The following SOX6 variants were observed in gnomAD, a reference collection of about 807,000 sequenced individuals.
The protein encoded by SOX6 is transcription factor SOX-6.
SOX6 carries 11 observed loss-of-function variants against 97.8 expected under a neutral mutation model. That is an observed-to-expected ratio of 0.11 (90% CI 0.07 to 0.19). The LOEUF (loss-of-function observed/expected upper bound fraction) is 0.19. SOX6 is among the 10% of genes least tolerant of loss of function. SOX6 has a pLI of 1.00. For synonymous variants in SOX6, 360 were observed against 371.4 expected (o/e 0.97, Z 0.35); for missense variants, 810 against 1,039.5 (o/e 0.78, Z 3.04).
At chr11:16,563,546 T>C (rs1847838135) in intron 4 of SOX6, among the ~76,000 whole-genome samples, 1 of 152,068 alleles carries the variant, frequency 6.6e-6, no homozygotes, top group African/African-American at 2.4e-5. Flanking sequence ...GACAGAACAA[T>C]AGAATATATC....
chr11:16,202,069 T>C (rs1230924539), intron 4 of SOX6, among the ~76,000 whole-genome samples: 1 of 152,192 alleles, frequency 6.6e-6, no homozygotes, highest in Non-Finnish European at 1.5e-5. Context: ...GAAAAACTTA[T>C]ACTTTCACTA....
intron 4 of SOX6, among the ~76,000 whole-genome samples, chr11:16,506,346 G>A (rs545725460): frequency 2.0e-5 from 3 of 152,110 alleles, no homozygotes; most frequent in African/African-American, 7.2e-5. Flanking sequence ...CTTGCATGGG[G>A]CCCTTTGTTT....
At chr11:16,568,288 A>C (rs895042073) in intron 4 of SOX6, among the ~76,000 whole-genome samples, 1 of 152,216 alleles carries the variant, frequency 6.6e-6, no homozygotes, top group South Asian at 2.1e-4. Context: ...GATGTGCTAT[A>C]AAATATTAAT....
At chr11:16,471,340 C>T (rs1050973344) in intron 1 of SOX6, among the ~76,000 whole-genome samples, 7 of 152,044 alleles carry the variant, frequency 4.6e-5, no homozygotes, top group African/African-American at 9.7e-5. Context: ...TTTCCTCTTC[C>T]GGCCTAGGTA....
intron 3 of SOX6, among the ~76,000 whole-genome samples, chr11:16,615,573 A>G (rs6486302): frequency 0.43 from 65,961 of 151,952 alleles, 15,260 homozygotes; most frequent in East Asian, 0.85. Context: ...TTTTACCATA[A>G]ACAGAATATT....
chr11:15,978,975 A>G (rs1198073062), intron 15 of SOX6, among the ~76,000 whole-genome samples: 2 of 123,804 alleles, frequency 1.6e-5, no homozygotes, highest in African/African-American at 2.8e-5. Flanking sequence ...TATATATATG[A>G]GCATATATAT....
At chr11:16,546,463 A>T (rs1191031014) in intron 4 of SOX6, among the ~76,000 whole-genome samples, 1 of 152,186 alleles carries the variant, frequency 6.6e-6, no homozygotes, top group African/African-American at 2.4e-5. Context: ...CCACATATTT[A>T]CATAAATCCA....
At chr11:16,044,168 G>T (rs1294263505) in intron 12 of SOX6, among the ~76,000 whole-genome samples, 2 of 152,032 alleles carry the variant, frequency 1.3e-5, no homozygotes, top group African/African-American at 4.8e-5. Context: ...CCTGCATGCT[G>T]ATCTTCATCT....
intron 1 of SOX6, among the ~76,000 whole-genome samples, chr11:16,351,012 A>G (rs574746036): frequency 3.0e-4 from 46 of 152,228 alleles, no homozygotes; most frequent in Middle Eastern, 6.8e-3. Flanking sequence ...TTATTTCTCT[A>G]TACTGTTTTT....
intron 1 of SOX6, chr11:16,402,882 T>C: frequency 6.6e-7 from 1 of 1,517,928 alleles, no homozygotes; most frequent in Non-Finnish European, 8.9e-7. Context: ...CTACACTCAG[T>C]TGGGCTGAAT....
chr11:16,690,122 G>T (rs73419101), intron 3 of SOX6, among the ~76,000 whole-genome samples: 330 of 152,156 alleles, frequency 2.2e-3, no homozygotes, highest in African/African-American at 7.1e-3. Context: ...GTGGAGTTTT[G>T]CCATGTTGGC....
chr11:16,055,024 T>A (rs146886019), intron 10 of SOX6, among the ~76,000 whole-genome samples: 1 of 152,254 alleles, frequency 6.6e-6, no homozygotes, highest in Non-Finnish European at 1.5e-5. Flanking sequence ...AGCCTGTTTA[T>A]CCTATCACAA....
intron 9 of SOX6, among the ~76,000 whole-genome samples, chr11:16,077,898 A>G (rs541801457): frequency 6.6e-6 from 1 of 151,930 alleles, no homozygotes; most frequent in East Asian, 1.9e-4. Flanking sequence ...TGTACAACAA[A>G]CCCTTGTGAC....
chr11:16,262,330 A>G (rs1352375774), intron 3 of SOX6, among the ~76,000 whole-genome samples: 1 of 152,090 alleles, frequency 6.6e-6, no homozygotes, highest in East Asian at 1.9e-4. Flanking sequence ...ATATAGGAAC[A>G]TATAGTAAAA....
chr11:16,460,341 T>C (rs1332785892), intron 1 of SOX6, among the ~76,000 whole-genome samples: 2 of 152,008 alleles, frequency 1.3e-5, no homozygotes, highest in Non-Finnish European at 2.9e-5. Context: ...CACAAACTGA[T>C]TATAAACTCC....
chr11:16,265,551 T>C (rs1047069763), intron 3 of SOX6, among the ~76,000 whole-genome samples: 3 of 151,810 alleles, frequency 2.0e-5, no homozygotes, highest in Non-Finnish European at 4.4e-5. Context: ...ATTCAACTTT[T>C]TAAAAATCAG....
chr11:16,351,555 C>T (rs1257397667), intron 1 of SOX6, among the ~76,000 whole-genome samples: 1 of 152,160 alleles, frequency 6.6e-6, no homozygotes, highest in East Asian at 1.9e-4. Flanking sequence ...AAATAAAGTC[C>T]AAACTCCTGA....
At chr11:16,000,737 TGC>T (rs1854381503) in intron 13 of SOX6, among the ~76,000 whole-genome samples, 1 of 122,756 alleles carries the variant, frequency 8.1e-6, no homozygotes, top group African/African-American at 4.3e-5. Context: ...TGTGCGCGCG[TGC>T]GCGTGTGTGT....
At chr11:16,528,912 T>A (rs1861203125) in intron 4 of SOX6, among the ~76,000 whole-genome samples, 3 of 152,080 alleles carry the variant, frequency 2.0e-5, no homozygotes, top group African/African-American at 7.2e-5. Context: ...TGAATACTAC[T>A]ATGTATTCAC....
Sources: gnomAD v4.1 joint callset for allele counts (sites outside exome capture counted in the v4.1 genomes callset) on GRCh38, gnomAD v4.1.1 for gene constraint, MANE v1.5 for transcripts, NCBI Gene and HGNC (gene_info 2026-07-23, HGNC 2026-07-21) for gene names.